Variants in GSAP observed in about 807,000 individuals in gnomAD.
GSAP encodes the protein gamma-secretase-activating protein.
In GSAP, 118 loss-of-function variants were observed where a neutral mutation model predicts 131.7. The ratio of observed to expected loss-of-function variants is 0.90; its 90% CI spans 0.77 to 1.04. The LOEUF (loss-of-function observed/expected upper bound fraction) is 1.04, where lower values mean the gene tolerates loss of function less well. GSAP is among the 50% of genes least tolerant of loss of function. GSAP has a pLI of 0.00. For synonymous variants in GSAP, 381 were observed against 363.4 expected (o/e 1.05, Z -0.55); for missense variants, 1,019 against 1,013.2 (o/e 1.01, Z -0.08).
intron 5 of GSAP, among the ~76,000 whole-genome samples, chr7:77,389,289 GTA>G (rs746050086): frequency 5.4e-5 from 8 of 147,650 alleles, no homozygotes; most frequent in Admixed American, 6.8e-5. Flanking sequence ...ATGTGTGTGT[GTA>G]TATATATATA....
chr7:77,404,944 A>G (rs1181780833), intron 2 of GSAP, among the ~76,000 whole-genome samples: 1 of 152,252 alleles, frequency 6.6e-6, no homozygotes, highest in Non-Finnish European at 1.5e-5. Flanking sequence ...CAAGTCCGTA[A>G]CATTCTTATA....
Position 77,396,996 on chromosome 7 carries a change from T to C in GSAP, c.353A>G (p.Asn118Ser). ...AATTTCATTACCTGGTTGAAGTTCG[T>C]TCCTTTTTCCTTCTTTAGTAGACTG... ...LVQSTKEGKR[N>S]ELQPGSKCLT... Residue 118 changes from asparagine to serine, a missense_variant, in exon 5 of 31, where the codon AAC becomes AGC. Physicochemically the swap from Asn to Ser is conservative, Grantham distance 46. Transcript: ENST00000257626. 6.3e-7 allele frequency: 1 copy of C among 1,599,670 alleles called. No individual in the cohort carries two copies. Among genetic ancestry groups the C allele is most frequent in the Admixed American group, 1.7e-5 (1 of 59,304 alleles).
Position 77,387,261 on chromosome 7 carries a change from T to G in GSAP, c.456+99A>C. On this transcript the variant is annotated intron_variant, in intron 6 of 30. Transcript: ENST00000257626. Reference sequence around the variant, plus strand: ...GTAGTCTACAAGACTGTTCTGAGGATTAAATATGATAGAGTGAAAGTACTT... The same window carrying G: ...GTAGTCTACAAGACTGTTCTGAGGAGTAAATATGATAGAGTGAAAGTACTT... The G allele has an allele frequency of 4.4e-6, 3 of 687,484 alleles. No homozygotes were observed. The Admixed American group carries it at 6.8e-5, about 16-fold the overall frequency. 42.6% of individuals were successfully genotyped at this position (687,484 alleles called of 1,614,324 possible).
chr7:77,337,611 G>C (rs1790224354), intron 19 of GSAP, among the ~76,000 whole-genome samples: 1 of 152,164 alleles, frequency 6.6e-6, no homozygotes, highest in African/African-American at 2.4e-5. Flanking sequence ...TCACATCTGA[G>C]TGGCCATAAG....
At chr7:77,385,685 T>C (rs533472347) in intron 6 of GSAP, among the ~76,000 whole-genome samples, 3 of 152,196 alleles carry the variant, frequency 2.0e-5, no homozygotes, top group Admixed American at 6.5e-5. Flanking sequence ...ATATCTGGAA[T>C]TGAGGAGCGA....
At chr7:77,416,157 G>C (rs1196767311) in intron 1 of GSAP, 56 bp downstream of exon 1, 6 of 1,046,128 alleles carry the variant, frequency 5.7e-6, no homozygotes, top group African/African-American at 5.0e-5. Context: ...AGTCCGGGGG[G>C]TATGAGGGAC....
chr7:77,411,895 A>G (rs962963273), intron 1 of GSAP, among the ~76,000 whole-genome samples: 8 of 152,314 alleles, frequency 5.3e-5, no homozygotes, highest in African/African-American at 1.9e-4. Flanking sequence ...AGATGTTGTC[A>G]TGGCCGGGCA....
chr7:77,391,196 AATT>A (rs2151096627), intron 5 of GSAP, among the ~76,000 whole-genome samples: 1 of 151,020 alleles, frequency 6.6e-6, no homozygotes, highest in South Asian at 2.1e-4. Context: ...TTTAAGCAGG[AATT>A]TGTACCCAAA....
At chr7:77,394,188 G>T (rs1800010015) in intron 5 of GSAP, among the ~76,000 whole-genome samples, 1 of 152,110 alleles carries the variant, frequency 6.6e-6, no homozygotes, top group Non-Finnish European at 1.5e-5. Context: ...ATTTTACTAG[G>T]AATGAGGGCC....
At chr7:77,337,159 T>C (rs1377245341) in intron 19 of GSAP, among the ~76,000 whole-genome samples, 1 of 152,116 alleles carries the variant, frequency 6.6e-6, no homozygotes, top group Non-Finnish European at 1.5e-5. Flanking sequence ...TAAAACTTTG[T>C]GTTTTGTTTG....
At chr7:77,377,237 T>TAAA (rs533755073) in intron 9 of GSAP, 49 bp downstream of exon 9, 10,226 of 888,538 alleles carry the variant, frequency 0.012, 43 homozygotes, top group Non-Finnish European at 0.013. Context: ...AATATTTTTG[T>TAAA]AAAAAAAAAA....
At chr7:77,341,983 C>G (rs188729958) in intron 19 of GSAP, among the ~76,000 whole-genome samples, 85 of 152,354 alleles carry the variant, frequency 5.6e-4, no homozygotes, top group Admixed American at 4.4e-3. Context: ...TGCTGGAAAT[C>G]TGGCCACTGG....
chr7:77,375,394 G>C lies in GSAP; in HGVS notation c.742-293C>G, dbSNP rs932085165. Among the ~76,000 whole-genome samples the C allele has an allele frequency of 5.9e-5, 9 of 152,238 alleles. 1 individual carries two copies. Among genetic ancestry groups the C allele is most frequent in the African/African-American group, 2.2e-4 (9 of 41,538 alleles). ...ATATCAAAAACAGGTTGTACAATAG[G>C]CCAATTGGAAGCAACCATCTTTTAC... is the stretch of plus-strand genomic sequence containing the variant. On this transcript the variant is annotated intron_variant, in intron 10 of 30. Coordinates refer to ENST00000257626, the MANE Select transcript of GSAP (RefSeq NM_017439.4).
chr7:77,320,346 G>A (rs1787462467), intron 26 of GSAP, among the ~76,000 whole-genome samples: 1 of 152,146 alleles, frequency 6.6e-6, no homozygotes, highest in Non-Finnish European at 1.5e-5. Context: ...AAGCGTATAA[G>A]AATCAGTTCA....
At chr7:77,327,558 T>C (rs1742264384) in intron 22 of GSAP, 1 of 152,204 alleles carries the variant, frequency 6.6e-6, no homozygotes, top group South Asian at 2.1e-4. Context: ...GGTGCAGCAA[T>C]GCACTGTATA....
chr7:77,349,490 G>T, intron 18 of GSAP, 86 bp from the exon 19 acceptor site: 1 of 1,147,808 alleles, frequency 8.7e-7, no homozygotes, highest in Non-Finnish European at 1.3e-6. Context: ...TTTCTGCACA[G>T]ACAGAAGCTG....
chr7:77,376,726 G>A lies in GSAP; in HGVS notation c.741+122C>T, dbSNP rs1278178730. On this transcript the variant is annotated intron_variant, in intron 10 of 30. Transcript: ENST00000257626. ...CAGGAGGCAGAGCTTGCAGTGAGCCGAGATCGCGCCACTGCACCCAGCGTG... is the reference window on the plus strand; with the variant it reads ...CAGGAGGCAGAGCTTGCAGTGAGCCAAGATCGCGCCACTGCACCCAGCGTG... The A allele has an allele frequency of 1.8e-5, 10 of 569,210 alleles. 1 individual carries two copies. The highest frequency in any genetic ancestry group is 1.2e-4 in the South Asian group (6 of 49,058). The allele number at this position is 569,210 out of a possible 1,614,324, so 35.3% of individuals were successfully genotyped here.
At chr7:77,354,954 T>C (rs546333994) in intron 16 of GSAP, among the ~76,000 whole-genome samples, 1 of 152,258 alleles carries the variant, frequency 6.6e-6, no homozygotes, top group Non-Finnish European at 1.5e-5. Context: ...GAGCTCTTCA[T>C]TGAAATATTA....
At chr7:77,330,696 C>T (rs28585512) in intron 19 of GSAP, 115,869 of 996,680 alleles carry the variant, frequency 0.12, 8,853 homozygotes, top group East Asian at 0.42. Flanking sequence ...ATTAAACACA[C>T]TGAGTCATTT....
Sources: allele counts gnomAD v4.1 joint callset (sites outside exome capture counted in the v4.1 genomes callset), GRCh38; gene constraint gnomAD v4.1.1; transcripts MANE v1.5; gene names NCBI Gene and HGNC (gene_info 2026-07-23, HGNC 2026-07-21).